The following PHC2 variants were observed in gnomAD, a reference collection of about 807,000 sequenced individuals.
PHC2 encodes the protein polyhomeotic homolog 2.
Under a neutral mutation model 87.4 loss-of-function variants are expected in PHC2, and 29 were observed. That is an observed-to-expected ratio of 0.33 (90% CI 0.25 to 0.45). The LOEUF (loss-of-function observed/expected upper bound fraction) is 0.45, where lower values mean the gene tolerates loss of function less well. Among genes scored for constraint, PHC2 ranks in the 20% least tolerant of loss-of-function variants. PHC2 has a pLI of 1.00. For missense variants in PHC2, 857 were observed against 1,136.7 expected (o/e 0.75, Z 3.54); for synonymous variants, 438 against 461.7 (o/e 0.95, Z 0.66).
intron 9 of PHC2, among the ~76,000 whole-genome samples, chr1:33,338,378 CAGA>C (rs1646680816): frequency 1.3e-5 from 2 of 152,206 alleles, no homozygotes; most frequent in African/African-American, 4.8e-5. Context: ...TAACCCAGGG[CAGA>C]TCAAAGGAGA....
chr1:33,341,025 G>A (rs1345964488), intron 9 of PHC2, among the ~76,000 whole-genome samples: 1 of 152,010 alleles, frequency 6.6e-6, no homozygotes, highest in Non-Finnish European at 1.5e-5. Context: ...CCTAGATGAA[G>A]CAACTTGGCC....
chr1:33,343,236 G>A (rs368487881), intron 9 of PHC2, among the ~76,000 whole-genome samples: 9 of 152,156 alleles, frequency 5.9e-5, no homozygotes, highest in African/African-American at 1.7e-4. Context: ...GCTGAGGTGG[G>A]TGGATCACGA....
In PHC2 at chr1:33,368,570, G is replaced by A. The variant is rs1326611914; in HGVS notation, c.629C>T (p.Thr210Ile). 2 of 1,549,590 alleles carry A rather than the reference G, an allele frequency of 1.3e-6. No homozygotes were observed. The highest frequency in any genetic ancestry group is 2.4e-5 in the South Asian group (2 of 84,000). The change falls in exon 6 of 15, where the codon ACT (threonine) becomes ATT (isoleucine). Residue 210 changes from threonine (T) to isoleucine (I), a missense_variant. Thr to Ile is a moderately conservative substitution (Grantham distance 89, BLOSUM62 -1). This residue lies in a region of PHC2 where 832 missense variants were observed against 1,081.8 expected (regional missense o/e 0.77). Coordinates refer to ENST00000683057, the MANE Select transcript of PHC2 (RefSeq NM_001385109.1). The surrounding 1 kb of genome is among the most constrained non-coding windows in gnomAD (Gnocchi z 6.6). ...GGTGGGGGGCCGGGCGGGGGAGCCAGTGCCGAGCTCAGGCTGCACAGTAGC... is the reference window on the plus strand; with the variant it reads ...GGTGGGGGGCCGGGCGGGGGAGCCAATGCCGAGCTCAGGCTGCACAGTAGC... ...TVATVQPELGTGSPARPPTPA... is the reference protein window; with the variant it reads ...TVATVQPELGIGSPARPPTPA...
chr1:33,343,341 G>A (rs1646782475), intron 9 of PHC2, among the ~76,000 whole-genome samples: 1 of 151,640 alleles, frequency 6.6e-6, no homozygotes, highest in Non-Finnish European at 1.5e-5. Context: ...GTGGTGGCGA[G>A]CGCCTGTAGT....
intron 1 of PHC2, among the ~76,000 whole-genome samples, chr1:33,411,862 A>T (rs2148392646): frequency 6.6e-6 from 1 of 152,294 alleles, no homozygotes; most frequent in Admixed American, 6.5e-5. Flanking sequence ...ACCGGGCCTG[A>T]TCATCTTTAT....
Position 33,375,607 on chromosome 1 carries a change from G to C in PHC2, c.-54-14C>G. The C allele has an allele frequency of 1.1e-5, 16 of 1,404,170 alleles. No individual in the cohort carries two copies. The highest frequency in any genetic ancestry group is 1.5e-5 in the Non-Finnish European group (16 of 1,063,676). The allele number at this position is 1,404,170 out of a possible 1,614,324, so 87.0% of individuals were successfully genotyped here. A position where few individuals can be genotyped will look rare whatever the true frequency, so the allele number is the denominator to read the frequency against. On this transcript the variant is annotated splice_polypyrimidine_tract_variant and intron_variant, in intron 1 of 14. Coordinates refer to ENST00000683057, the MANE Select transcript of PHC2 (RefSeq NM_001385109.1). ...GGCAGGCAGATGCTAGGAGGGAAGA[G>C]GCAGAAGTGAATGTTTTGACAGACG...
intron 14 of PHC2, chr1:33,326,230 G>A (rs554514662): frequency 4.6e-4 from 81 of 174,580 alleles, no homozygotes; most frequent in African/African-American, 1.7e-3. Context: ...GGGATCTGCC[G>A]GTTTTAAAAA....
rs758527567 is a variant in PHC2, at chr1:33,329,102, T to C, written c.2193A>G (p.Leu731=). Residue 731 remains leucine, a synonymous_variant, in exon 14 of 15, where the codon CTA becomes CTG. Transcript: ENST00000683057. Reference sequence around the variant, plus strand: ...GGCTGGAGTCTTCCTGGCTGTGTGTTAGCTGCAAAGCAGCAGTAACCGAAA... The same window carrying C: ...GGCTGGAGTCTTCCTGGCTGTGTGTCAGCTGCAAAGCAGCAGTAACCGAAA... ...VPLSVTAALQ[L]THSQEDSSRC... 3 of 1,614,194 alleles carry C rather than the reference T, an allele frequency of 1.9e-6. No homozygotes were observed. The highest frequency in any genetic ancestry group is 3.3e-5 in the Admixed American group (2 of 60,022).
Position 33,364,390 on chromosome 1 carries a change from TCACACACACACACACACA to T in PHC2, c.976+2708_976+2725del, listed in dbSNP as rs34468965. On this transcript the variant is annotated intron_variant, in intron 7 of 14. Transcript: ENST00000683057. The surrounding 1 kb of genome is among the most constrained non-coding windows in gnomAD (Gnocchi z 4.1). Reference sequence around the variant, plus strand: ...CACACACACACACACACACTTGCTTTCACACACACACACACACACACACACACACACACACGCTCAAGC... The same window carrying T: ...CACACACACACACACACACTTGCTTTCACACACACACACACACGCTCAAGC... Among the ~76,000 whole-genome samples the T allele has an allele frequency of 9.4e-6, 1 of 106,692 alleles. No individual in the cohort carries two copies. Among genetic ancestry groups the T allele is most frequent in the East Asian group, 2.4e-4 (1 of 4,086 alleles). 70.0% of individuals were successfully genotyped at this position (106,692 alleles called of 152,430 possible).
At chr1:33,339,357 G>A (rs1646699543) in intron 9 of PHC2, among the ~76,000 whole-genome samples, 1 of 152,166 alleles carries the variant, frequency 6.6e-6, no homozygotes, top group African/African-American at 2.4e-5. Context: ...GTTGCTTTCT[G>A]AAGCTATGAT....
chr1:33,398,538 T>C lies in PHC2; in HGVS notation c.-54-22945A>G, dbSNP rs1453141869. On this transcript the variant is annotated intron_variant, in intron 1 of 14. Transcript: ENST00000683057. ...TTATTTTCTCATTTATCCTTTTCTTTATTTTCCAAATGTCTATGTATCTTA... is the reference window on the plus strand; with the variant it reads ...TTATTTTCTCATTTATCCTTTTCTTCATTTTCCAAATGTCTATGTATCTTA... Among the ~76,000 whole-genome samples the C allele has an allele frequency of 2.0e-5, 3 of 152,336 alleles. No homozygotes were observed. The East Asian group carries it at 5.8e-4, about 29-fold the overall frequency.
At chr1:33,421,076 A>C (rs901966732) in intron 1 of PHC2, among the ~76,000 whole-genome samples, 21 of 152,348 alleles carry the variant, frequency 1.4e-4, no homozygotes, top group African/African-American at 5.1e-4. Flanking sequence ...ATTATTATGC[A>C]ATAAACACTA....
chr1:33,368,556 G>C lies in PHC2; in HGVS notation c.643C>G (p.Arg215Gly). The C allele has an allele frequency of 6.5e-7, 1 of 1,543,600 alleles. No individual in the cohort carries two copies. Among genetic ancestry groups the C allele is most frequent in the Non-Finnish European group, 8.8e-7 (1 of 1,142,564 alleles). The stretch of plus-strand genomic sequence containing the variant: ...CTCACCTGGGCGGGGGTGGGGGGCC[G>C]GGCGGGGGAGCCAGTGCCGAGCTCA... Reference protein sequence around the residue: ...QPELGTGSPARPPTPAQVQNL... With the variant: ...QPELGTGSPAGPPTPAQVQNL... Residue 215 changes from arginine to glycine, a missense_variant, in exon 6 of 15, where the codon CGG becomes GGG. Arg to Gly is a moderately radical substitution (Grantham distance 125, BLOSUM62 -2). This residue lies in a region of PHC2 where 832 missense variants were observed against 1,081.8 expected (regional missense o/e 0.77). Transcript: ENST00000683057. This position sits in a 1 kb window ranked among gnomAD's most constrained non-coding sequence, Gnocchi z 6.6.
intron 9 of PHC2, chr1:33,347,285 C>T: frequency 1.0e-6 from 1 of 985,370 alleles, no homozygotes; most frequent in Non-Finnish European, 1.2e-6. Flanking sequence ...CTAAGAGGCT[C>T]TCCTTCCCTG....
At chr1:33,391,545 T>C (rs1649052972) in intron 1 of PHC2, among the ~76,000 whole-genome samples, 1 of 152,102 alleles carries the variant, frequency 6.6e-6, no homozygotes. Context: ...TTCTGAGTCT[T>C]GGTTATTGGC....
At chr1:33,377,171 T>G (rs759463949) in intron 1 of PHC2, among the ~76,000 whole-genome samples, 32 of 152,202 alleles carry the variant, frequency 2.1e-4, no homozygotes, top group Non-Finnish European at 2.9e-4. Context: ...CTGACCTGTT[T>G]CTTAATCAAT....
rs1450459314 is a variant in PHC2, at chr1:33,402,762, T to C, written c.-54-27169A>G. Among the ~76,000 whole-genome samples the C allele has an allele frequency of 2.0e-5, 3 of 152,152 alleles. No homozygotes were observed. The East Asian group carries it at 5.8e-4, about 29-fold the overall frequency. ...CAGTTAAAACTAAAAAAGTATATTG[T>C]AAAAATAACAGTATATTGTTTAGGA... On this transcript the variant is annotated intron_variant, in intron 1 of 14. Transcript: ENST00000683057.
intron 9 of PHC2, chr1:33,347,047 C>G: frequency 1.0e-6 from 1 of 985,464 alleles, no homozygotes; most frequent in Non-Finnish European, 1.2e-6. Flanking sequence ...CCTGAAAGAT[C>G]AGAACCAAGG....
chr1:33,327,267 T>C lies in PHC2; in HGVS notation c.2425+1603A>G, dbSNP rs531032623. On this transcript the variant is annotated intron_variant, in intron 14 of 14. Transcript: ENST00000683057. Reference sequence around the variant, plus strand: ...CATTGGGTTTGTGGAAGGGAGCAGATAGCCTCTCTCTCTAGTTCTCAGATC... The same window carrying C: ...CATTGGGTTTGTGGAAGGGAGCAGACAGCCTCTCTCTCTAGTTCTCAGATC... 3.3e-5 allele frequency among the ~76,000 whole-genome samples: 5 copies of C among 152,318 alleles called. No homozygotes were observed. The South Asian group carries it at 8.3e-4, about 25-fold the overall frequency.
Sources: allele counts gnomAD v4.1 joint callset (sites outside exome capture counted in the v4.1 genomes callset), GRCh38; gene constraint gnomAD v4.1.1; regional missense constraint gnomAD v4.1.1; non-coding constraint Gnocchi (gnomAD v3.1); transcripts MANE v1.5; gene names NCBI Gene and HGNC (gene_info 2026-07-23, HGNC 2026-07-21).